ASCC3: variants seen among roughly 807,000 people sequenced by gnomAD.
ASCC3 encodes activating signal cointegrator 1 complex subunit 3.
In ASCC3, 158 loss-of-function variants were observed where a neutral mutation model predicts 256.3. The ratio of observed to expected loss-of-function variants is 0.62; its 90% confidence interval spans 0.54 to 0.70. The LOEUF (loss-of-function observed/expected upper bound fraction) is 0.70, where lower values mean the gene tolerates loss of function less well. Among genes scored for constraint, ASCC3 ranks in the 30% least tolerant of loss-of-function variants. ASCC3 has a pLI of 0.00. For synonymous variants in ASCC3, 948 were observed against 883.4 expected (o/e 1.07, Z -1.30); for missense variants, 2,259 against 2,626.0 (o/e 0.86, Z 3.05).
chr6:100,596,915 A>G (rs1335402141), intron 34 of ASCC3, among the ~76,000 whole-genome samples: 1 of 151,696 alleles, frequency 6.6e-6, no homozygotes, highest in Admixed American at 6.6e-5. Context: ...CACATCCCCA[A>G]CCTCATCTCC....
intron 30 of ASCC3, among the ~76,000 whole-genome samples, chr6:100,609,982 A>G (rs1014791267): frequency 2.0e-5 from 3 of 152,190 alleles, no homozygotes; most frequent in Admixed American, 6.5e-5. Flanking sequence ...AGCAGAGGAT[A>G]ACATAAGGCA....
intron 30 of ASCC3, among the ~76,000 whole-genome samples, chr6:100,612,850 A>G (rs1419116766): frequency 6.6e-6 from 1 of 152,002 alleles, no homozygotes; most frequent in African/African-American, 2.4e-5. Flanking sequence ...CTCAAAGACA[A>G]GCACACCTCA....
intron 40 of ASCC3, among the ~76,000 whole-genome samples, chr6:100,511,132 T>C (rs886191627): frequency 1.3e-5 from 2 of 152,194 alleles, no homozygotes; most frequent in African/African-American, 4.8e-5. Context: ...TTGGAATACA[T>C]TAAGTCATCT....
At chr6:100,595,990 GTCTGT>G (rs1772274006) in intron 34 of ASCC3, among the ~76,000 whole-genome samples, 2 of 151,814 alleles carry the variant, frequency 1.3e-5, no homozygotes, top group African/African-American at 4.8e-5. Flanking sequence ...TTTCTATGAG[GTCTGT>G]AAAGATATAA....
intron 1 of ASCC3, among the ~76,000 whole-genome samples, chr6:100,872,627 G>T (rs1773801485): frequency 6.6e-6 from 1 of 152,122 alleles, no homozygotes; most frequent in African/African-American, 2.4e-5. Context: ...GAAGGAAGCA[G>T]ATTGCTCCTG....
intron 36 of ASCC3, among the ~76,000 whole-genome samples, chr6:100,580,562 C>A (rs900206151): frequency 3.3e-5 from 5 of 150,972 alleles, no homozygotes; most frequent in African/African-American, 1.2e-4. Context: ...TTCAGAAGAC[C>A]CAAAATAAAA....
At chr6:100,580,027 A>G (rs1160335547) in intron 36 of ASCC3, among the ~76,000 whole-genome samples, 1 of 152,004 alleles carries the variant, frequency 6.6e-6, no homozygotes, top group Non-Finnish European at 1.5e-5. Context: ...AATTCTCGTT[A>G]TAGAGATTTT....
chr6:100,669,715 A>ACACAG (rs1776647326), intron 14 of ASCC3, among the ~76,000 whole-genome samples: 1 of 151,880 alleles, frequency 6.6e-6, no homozygotes, highest in African/African-American at 2.4e-5. Flanking sequence ...AAACAGTTTG[A>ACACAG]TAAAAAAGAA....
chr6:100,854,894 C>T (rs1772865675), intron 3 of ASCC3, among the ~76,000 whole-genome samples: 1 of 151,976 alleles, frequency 6.6e-6, no homozygotes, highest in Non-Finnish European at 1.5e-5. Flanking sequence ...CAAGGAAAAA[C>T]AAACAAAAAA....
intron 4 of ASCC3, among the ~76,000 whole-genome samples, chr6:100,823,302 C>A (rs1771143578): frequency 6.6e-6 from 1 of 152,172 alleles, no homozygotes; most frequent in Admixed American, 6.5e-5. Flanking sequence ...GCTCTACGCA[C>A]AGATACAAGT....
intron 36 of ASCC3, among the ~76,000 whole-genome samples, chr6:100,566,133 T>C (rs1337667858): frequency 1.3e-5 from 2 of 152,092 alleles, no homozygotes; most frequent in African/African-American, 2.4e-5. Context: ...CAAAAACCTG[T>C]CTAGAGTAAG....
intron 13 of ASCC3, among the ~76,000 whole-genome samples, chr6:100,691,082 A>T (rs1366892385): frequency 1.3e-5 from 2 of 152,118 alleles, no homozygotes; most frequent in Non-Finnish European, 2.9e-5. Context: ...TATCTGTATT[A>T]AAAAGTATAA....
chr6:100,585,061 G>C (rs1771571158), intron 36 of ASCC3, among the ~76,000 whole-genome samples: 1 of 152,040 alleles, frequency 6.6e-6, no homozygotes, highest in Non-Finnish European at 1.5e-5. Flanking sequence ...ATGTGTCTTG[G>C]AGTTGCTCTT....
intron 36 of ASCC3, among the ~76,000 whole-genome samples, chr6:100,574,128 TCTC>T (rs1770738896): frequency 6.6e-6 from 1 of 152,090 alleles, no homozygotes; most frequent in Admixed American, 6.6e-5. Flanking sequence ...CTAGTATAAA[TCTC>T]CTTAAAAAAT....
At chr6:100,652,563 TTTA>T (rs1472308846) in intron 18 of ASCC3, among the ~76,000 whole-genome samples, 159 bp downstream of exon 18, 1 of 152,148 alleles carries the variant, frequency 6.6e-6, no homozygotes, top group Non-Finnish European at 1.5e-5. Flanking sequence ...TATCTGAAGT[TTTA>T]TTTTTTTCTT....
chr6:100,706,252 A>C (rs975495777), intron 13 of ASCC3, among the ~76,000 whole-genome samples: 2 of 151,456 alleles, frequency 1.3e-5, no homozygotes, highest in African/African-American at 4.8e-5. Flanking sequence ...TATACAAATC[A>C]CCTACTTAAA....
At position 100,867,901 on chromosome 6, in the gene ASCC3, A is replaced by C. The variant is rs983067268; in HGVS notation, c.90+7T>G. 15 of 1,600,658 alleles carry C rather than the reference A, an allele frequency of 9.4e-6. No individual in the cohort carries two copies. The highest frequency in any genetic ancestry group is 1.3e-5 in the Non-Finnish European group (15 of 1,168,102). On this transcript the variant is annotated splice_region_variant and intron_variant, in intron 2 of 41. Transcript: ENST00000369162. ...ATGTTCAACATTTCTACCTTTAACA[A>C]ATCTACCTTTAAGTCAGCCACTTCT...
chr6:100,540,075 T>G, intron 37 of ASCC3, 88 bp downstream of exon 37: 1 of 1,232,210 alleles, frequency 8.1e-7, no homozygotes, highest in Non-Finnish European at 1.2e-6. Flanking sequence ...AGTTGTTAAA[T>G]GCAAGTACAT....
intron 36 of ASCC3, among the ~76,000 whole-genome samples, chr6:100,579,179 GTTGT>G (rs1368726566): frequency 2.7e-4 from 39 of 142,484 alleles, no homozygotes; most frequent in East Asian, 1.2e-3. Context: ...TTTTAATGGG[GTTGT>G]TTGTTTTTTT....
Sources: allele counts gnomAD v4.1 joint callset (sites outside exome capture counted in the v4.1 genomes callset), GRCh38; gene constraint gnomAD v4.1.1; transcripts MANE v1.5; gene names NCBI Gene and HGNC (gene_info 2026-07-23, HGNC 2026-07-21).